The following TNNC2 variants were observed in gnomAD, a reference collection of about 807,000 sequenced individuals.
TNNC2 encodes troponin C, skeletal muscle.
In TNNC2, 14 loss-of-function variants were observed where a neutral mutation model predicts 20.0. That is an observed-to-expected ratio of 0.70 (90% confidence interval 0.46 to 1.09). The LOEUF is 1.09. Ranked by LOEUF, TNNC2 falls within the 50% of genes least tolerant of loss-of-function variation. The probability of loss-of-function intolerance (pLI) is 0.00; values close to 1 mark genes in which losing one functional copy is unlikely to be tolerated. For missense variants in TNNC2, 163 were observed against 223.8 expected (o/e 0.73, Z 1.73); for synonymous variants, 81 against 77.3 (o/e 1.05, Z -0.25).
rs1982902829 is a variant in TNNC2, at chr20:45,824,416, G to A, written c.200-10C>T. 1 of 1,610,730 alleles carries A rather than the reference G, an allele frequency of 6.2e-7. No individual in the cohort carries two copies. On this transcript the variant is annotated splice_polypyrimidine_tract_variant and intron_variant, in intron 3 of 5. Coordinates refer to ENST00000372555, the MANE Select transcript of TNNC2 (RefSeq NM_003279.3). ...TCGATGGTGCCGCTGCCTGCGGGCAGCAGGTGGCAGACTGAGCCTGAGCCC... is the reference window on the plus strand; with the variant it reads ...TCGATGGTGCCGCTGCCTGCGGGCAACAGGTGGCAGACTGAGCCTGAGCCC...
intron 1 of TNNC2, 21 bp downstream of exon 1, chr20:45,827,225 A>G: frequency 6.2e-7 from 1 of 1,614,128 alleles, no homozygotes; most frequent in Non-Finnish European, 8.5e-7. Context: ...GTAAAGGCAC[A>G]AAGTCCCCTC....
At position 45,823,862 on chromosome 20, in the gene TNNC2, T is replaced by C; in HGVS notation, c.451+129A>G. 1 of 1,457,774 alleles carries C rather than the reference T, an allele frequency of 6.9e-7. No individual in the cohort carries two copies. Among genetic ancestry groups the C allele is most frequent in the Non-Finnish European group, 9.3e-7 (1 of 1,074,016 alleles). 90.3% of individuals were successfully genotyped at this position (1,457,774 alleles called of 1,614,324 possible). On this transcript the variant is annotated intron_variant, in intron 5 of 5. Transcript: ENST00000372555. This position sits in a 1 kb window ranked among gnomAD's most constrained non-coding sequence, Gnocchi z 4.6. ...TTCTATACCTGCCCCCAGGAGACTA[T>C]GGGGAACTTGGTGAAGTTACGCCCA...
chr20:45,830,505 C>A (rs188365554), upstream of TNNC2, among the ~76,000 whole-genome samples: 2 of 152,250 alleles, frequency 1.3e-5, no homozygotes, highest in East Asian at 3.9e-4. Flanking sequence ...GGGGATCCTT[C>A]CCCCACTGTG....
At chr20:45,828,091 A>C (rs1482635551), upstream of TNNC2, among the ~76,000 whole-genome samples, 1 of 152,128 alleles carries the variant, frequency 6.6e-6, no homozygotes, top group Non-Finnish European at 1.5e-5. Context: ...GCTGATGTGC[A>C]GTGGTGCTAT....
At chr20:45,829,536 T>C (rs1013454556), upstream of TNNC2, among the ~76,000 whole-genome samples, 18 of 151,512 alleles carry the variant, frequency 1.2e-4, no homozygotes, top group South Asian at 2.1e-4. Flanking sequence ...TCCCACCACT[T>C]TGGGAGGCTG....
chr20:45,829,846 A>G (rs1983067800), upstream of TNNC2, among the ~76,000 whole-genome samples: 1 of 150,756 alleles, frequency 6.6e-6, no homozygotes, highest in African/African-American at 2.4e-5. Flanking sequence ...ACCTCAAGTG[A>G]TCCGCCTGCC....
intron 2 of TNNC2, 59 bp from the exon 3 acceptor site, chr20:45,824,697 C>CA (rs1982916487): frequency 1.6e-6 from 2 of 1,229,788 alleles, no homozygotes; most frequent in East Asian, 2.9e-5. Flanking sequence ...CTCACACCTA[C>CA]CCCCCCCCAA....
In TNNC2 at chr20:45,824,796, T is replaced by C; in HGVS notation, c.42A>G (p.Glu14=). 1.3e-6 allele frequency: 2 copies of C among 1,594,504 alleles called. 1 individual carries two copies. The highest frequency in any genetic ancestry group is 2.2e-5 in the South Asian group (2 of 90,570). The change falls in exon 2 of 6, where the codon GAA becomes GAG. Residue 14 remains glutamate (E), a synonymous_variant. Transcript: ENST00000372555. ...CGCCTCACTCACCAGCGATCATCTCTTCGCTGAGGTAGGACCTGGCCTCAG... is the reference window on the plus strand; with the variant it reads ...CGCCTCACTCACCAGCGATCATCTCCTCGCTGAGGTAGGACCTGGCCTCAG... The part of the protein sequence containing the change: ...QQAEARSYLS[E]EMIAEFKAAF...
At chr20:45,828,932 G>A (rs1403386473), upstream of TNNC2, among the ~76,000 whole-genome samples, 1 of 152,114 alleles carries the variant, frequency 6.6e-6, no homozygotes, top group East Asian at 1.9e-4. Flanking sequence ...GTGCCAAAGG[G>A]TGAGGGAGAC....
At chr20:45,830,068 C>T (rs1039755126), upstream of TNNC2, among the ~76,000 whole-genome samples, 1 of 151,668 alleles carries the variant, frequency 6.6e-6, no homozygotes, top group African/African-American at 2.4e-5. Flanking sequence ...GGCACGGTGG[C>T]TCATGCCTGT....
chr20:45,825,355 G>A (rs1431514782), intron 1 of TNNC2, among the ~76,000 whole-genome samples: 2 of 152,080 alleles, frequency 1.3e-5, no homozygotes, highest in Non-Finnish European at 2.9e-5. Context: ...GCAATGGCGT[G>A]ATCTCGGCTC....
In TNNC2 at chr20:45,823,265, C is replaced by T. The variant is rs978824938; in HGVS notation, c.*83G>A. On this transcript the variant is annotated 3_prime_UTR_variant, in exon 6 of 6. Coordinates refer to ENST00000372555, the MANE Select transcript of TNNC2 (RefSeq NM_003279.3). The surrounding 1 kb of genome is among the most constrained non-coding windows in gnomAD (Gnocchi z 4.6). Reference sequence around the variant, plus strand: ...CCAGACAAAGACCCACAAGGGGTCGCGCCTCCCTGGTGGGGACCCGGCAGG... The same window carrying T: ...CCAGACAAAGACCCACAAGGGGTCGTGCCTCCCTGGTGGGGACCCGGCAGG... 9.0e-5 allele frequency: 121 copies of T among 1,345,328 alleles called. No individual in the cohort carries two copies. Among genetic ancestry groups the T allele is most frequent in the Non-Finnish European group, 1.1e-4 (114 of 996,342 alleles). 83.3% of individuals were successfully genotyped at this position (1,345,328 alleles called of 1,614,324 possible). A position where few individuals can be genotyped will look rare whatever the true frequency, so the allele number is the denominator to read the frequency against.
chr20:45,830,821 A>G (rs1392845537), upstream of TNNC2, among the ~76,000 whole-genome samples: 1 of 152,194 alleles, frequency 6.6e-6, no homozygotes, highest in African/African-American at 2.4e-5. Context: ...CTAGATGACC[A>G]TTTCTCAGGG....
At position 45,824,388 on chromosome 20, in the gene TNNC2, A is replaced by T; in HGVS notation, c.218T>A (p.Phe73Tyr). 6.2e-7 allele frequency: 1 copy of T among 1,610,602 alleles called. No homozygotes were observed. The highest frequency in any genetic ancestry group is 2.2e-5 in the East Asian group (1 of 44,838). The change falls in exon 4 of 6, where the codon TTC (phenylalanine) becomes TAC (tyrosine). Residue 73 changes from phenylalanine (F) to tyrosine (Y), a missense_variant. Coordinates refer to ENST00000372555, the MANE Select transcript of TNNC2 (RefSeq NM_003279.3). Reference protein sequence around the residue: ...VDEDGSGTIDFEEFLVMMVRQ... With the variant: ...VDEDGSGTIDYEEFLVMMVRQ... ...CACCATCATGACCAAGAACTCCTCG[A>T]AGTCGATGGTGCCGCTGCCTGCGGG...
chr20:45,824,513 C>A lies in TNNC2; in HGVS notation c.181G>T (p.Glu61Ter). 2.5e-6 allele frequency: 4 copies of A among 1,613,654 alleles called. No homozygotes were observed. Among genetic ancestry groups the A allele is most frequent in the Non-Finnish European group, 3.4e-6 (4 of 1,180,008 alleles). Residue 61 changes from glutamate (E) to a stop codon, truncating the protein, a stop_gained, in exon 3 of 6, where the codon GAG becomes TAG. Transcript: ENST00000372555. LOFTEE classifies it high-confidence loss of function. ...CGCTCACCGTCCTCATCCACCTCCT[C>A]GATGATGGCGTCCAGCTCCTCCTTG... Reference protein sequence around the residue: ...PTKEELDAIIEEVDEDGSGTI... With the variant: ...PTKEELDAII
upstream of TNNC2, among the ~76,000 whole-genome samples, chr20:45,830,525 G>A (rs964869747): frequency 6.6e-6 from 1 of 152,036 alleles, no homozygotes; most frequent in Non-Finnish European, 1.5e-5. Flanking sequence ...GTCCAGACCA[G>A]GGAGTCCAAG....
chr20:45,825,195 T>A (rs775317706), intron 1 of TNNC2, among the ~76,000 whole-genome samples: 11 of 152,188 alleles, frequency 7.2e-5, no homozygotes, highest in Non-Finnish European at 1.5e-4. Flanking sequence ...CAGGCTGGTT[T>A]TGAACTCCTG....
rs35280117 is a variant in TNNC2 at position 45,823,279 on chromosome 20, G to A, written c.*69C>T. The stretch of plus-strand genomic sequence containing the variant: ...ACAAGGGGTCGCGCCTCCCTGGTGG[G>A]GACCCGGCAGGGCGGAGTCTCCCAC... On this transcript the variant is annotated 3_prime_UTR_variant, in exon 6 of 6. Coordinates refer to ENST00000372555, the MANE Select transcript of TNNC2 (RefSeq NM_003279.3). The surrounding 1 kb of genome is among the most constrained non-coding windows in gnomAD (Gnocchi z 4.6). 3.1e-3 allele frequency: 4,422 copies of A among 1,447,036 alleles called. 133 individuals carry two copies. The African/African-American group carries it at 0.056, about 18-fold the overall frequency. The allele number at this position is 1,447,036 out of a possible 1,614,324, so 89.6% of individuals were successfully genotyped here. A position where few individuals can be genotyped will look rare whatever the true frequency, so the allele number is the denominator to read the frequency against.
upstream of TNNC2, among the ~76,000 whole-genome samples, chr20:45,829,371 T>G (rs1359168437): frequency 6.6e-6 from 1 of 151,936 alleles, no homozygotes; most frequent in South Asian, 2.1e-4. Flanking sequence ...TCCATGTTGG[T>G]CAAGCTGGTC....
Sources: gnomAD v4.1 joint callset for allele counts (sites outside exome capture counted in the v4.1 genomes callset) on GRCh38, gnomAD v4.1.1 for gene constraint, Gnocchi (gnomAD v3.1) non-coding constraint, MANE v1.5 for transcripts, NCBI Gene and HGNC (gene_info 2026-07-23, HGNC 2026-07-21) for gene names.